Variants in DAZAP1 observed in about 807,000 individuals in gnomAD.
The protein encoded by DAZAP1 is DAZ associated protein 1.
DAZAP1 carries 6 observed loss-of-function variants against 60.1 expected under a neutral mutation model. That is an observed-to-expected ratio of 0.10 (90% confidence interval 0.05 to 0.20). The LOEUF (loss-of-function observed/expected upper bound fraction) is 0.20. Ranked by LOEUF, DAZAP1 falls within the 10% of genes least tolerant of loss-of-function variation. DAZAP1 has a pLI of 1.00. For missense variants in DAZAP1, 366 were observed against 560.4 expected, an observed-to-expected ratio of 0.65 and a Z score of 3.50; for synonymous variants, 235 against 215.9, an observed-to-expected ratio of 1.09 and a Z score of -0.78.
At position 1,434,688 on chromosome 19, in the gene DAZAP1, TGCCAACC is replaced by T. The variant is rs2083550586; in HGVS notation, c.1049-45_1049-39del. ...TCCAGGTGGCCTCGCTCGACGGCAGTGCCAACCGCCCAGGGACCGCCCCGAGCTCACA... is the reference window on the plus strand; with the variant it reads ...TCCAGGTGGCCTCGCTCGACGGCAGTGCCCAGGGACCGCCCCGAGCTCACA... On this transcript the variant is annotated intron_variant, in intron 11 of 11. Transcript: ENST00000233078. The surrounding 1 kb of genome is among the most constrained non-coding windows in gnomAD (Gnocchi z 8.0). 6.3e-7 allele frequency: 1 copy of T among 1,599,884 alleles called. No individual in the cohort carries two copies. The highest frequency in any genetic ancestry group is 8.5e-7 in the Non-Finnish European group (1 of 1,173,476).
chr19:1,422,482 T>C lies in DAZAP1; in HGVS notation c.463+86T>C. On this transcript the variant is annotated intron_variant, in intron 6 of 11. Transcript: ENST00000233078. This position sits in a 1 kb window ranked among gnomAD's most constrained non-coding sequence, Gnocchi z 4.5. ...ATCTCACCCGCCAGGCACACACAGGTGGCGGCTGTAGCAAACAGCCTCAGG... is the reference window on the plus strand; with the variant it reads ...ATCTCACCCGCCAGGCACACACAGGCGGCGGCTGTAGCAAACAGCCTCAGG... 1.5e-6 allele frequency: 2 copies of C among 1,357,106 alleles called. No individual in the cohort carries two copies. Among genetic ancestry groups the C allele is most frequent in the Non-Finnish European group, 2.1e-6 (2 of 957,416 alleles). 84.1% of individuals were successfully genotyped at this position (1,357,106 alleles called of 1,614,324 possible).
At chr19:1,421,477 G>A (rs1474978339) in intron 5 of DAZAP1, among the ~76,000 whole-genome samples, 2 of 152,272 alleles carry the variant, frequency 1.3e-5, no homozygotes, top group African/African-American at 4.8e-5. Flanking sequence ...GTGGTTGGGC[G>A]GTGAACCAGC....
Position 1,432,579 on chromosome 19 carries a change from C to T in DAZAP1, c.937C>T (p.Pro313Ser). 3 of 1,613,780 alleles carry T rather than the reference C, an allele frequency of 1.9e-6. No homozygotes were observed. Among genetic ancestry groups the T allele is most frequent in the Non-Finnish European group, 2.5e-6 (3 of 1,180,012 alleles). The change falls in exon 11 of 12, where the codon CCA becomes TCA. Residue 313 changes from proline (P) to serine (S), a missense_variant. By Grantham distance (74) the Pro-to-Ser change is moderately conservative. Transcript: ENST00000233078. This position sits in a 1 kb window ranked among gnomAD's most constrained non-coding sequence, Gnocchi z 4.9. Reference protein sequence around the residue: ...QFAPPGVPPPPATPGAAPLAF... With the variant: ...QFAPPGVPPPSATPGAAPLAF... ...TGCCCCTCCGGGGGTTCCTCCTCCA[C>T]CAGCCACTCCCGGGGCAGCACCTCT... is the stretch of plus-strand genomic sequence containing the variant.
chr19:1,430,946 C>T (rs1252712815), intron 10 of DAZAP1, among the ~76,000 whole-genome samples: 22 of 151,212 alleles, frequency 1.5e-4, no homozygotes, highest in Non-Finnish European at 1.5e-5. Flanking sequence ...TGGTCTCGAT[C>T]TCCTGACCTT....
At position 1,422,486 on chromosome 19, in the gene DAZAP1, G is replaced by T. The variant is rs866425469; in HGVS notation, c.463+90G>T. On this transcript the variant is annotated intron_variant, in intron 6 of 11. Transcript: ENST00000233078. The surrounding 1 kb of genome is among the most constrained non-coding windows in gnomAD (Gnocchi z 4.5). ...CACCCGCCAGGCACACACAGGTGGCGGCTGTAGCAAACAGCCTCAGGAAGG... is the reference window on the plus strand; with the variant it reads ...CACCCGCCAGGCACACACAGGTGGCTGCTGTAGCAAACAGCCTCAGGAAGG... 7.6e-7 allele frequency: 1 copy of T among 1,313,568 alleles called. No homozygotes were observed. The allele number at this position is 1,313,568 out of a possible 1,614,324, so 81.4% of individuals were successfully genotyped here.
Position 1,423,616 on chromosome 19 carries a change from C to G in DAZAP1, c.463+1220C>G, listed in dbSNP as rs2083221965. On this transcript the variant is annotated intron_variant, in intron 6 of 11. Transcript: ENST00000233078. The surrounding 1 kb of genome is among the most constrained non-coding windows in gnomAD (Gnocchi z 6.8). The stretch of plus-strand genomic sequence containing the variant: ...GGGCGCCTCCCCCAGGACCCAGCGC[C>G]TCTTGCACTGTGCCCGGACCAGGCG... Among the ~76,000 whole-genome samples, 1 of 152,256 alleles carries G rather than the reference C, an allele frequency of 6.6e-6. No individual in the cohort carries two copies. Among genetic ancestry groups the G allele is most frequent in the African/African-American group, 2.4e-5 (1 of 41,468 alleles).
chr19:1,431,625 C>A (rs944256474), intron 10 of DAZAP1, among the ~76,000 whole-genome samples: 5 of 152,162 alleles, frequency 3.3e-5, no homozygotes, highest in Non-Finnish European at 7.4e-5. Context: ...GAACAGGTTT[C>A]ACTATGTTGG....
At chr19:1,421,061 C>T (rs560816734) in intron 4 of DAZAP1, 87 bp from the exon 5 acceptor site, 26 of 1,168,266 alleles carry the variant, frequency 2.2e-5, no homozygotes, top group Middle Eastern at 2.0e-4. Context: ...TTTAAACCAG[C>T]GCGGATTGGC....
intron 1 of DAZAP1, among the ~76,000 whole-genome samples, chr19:1,411,012 G>T (rs1195681331): frequency 2.0e-5 from 3 of 152,248 alleles, no homozygotes; most frequent in African/African-American, 7.2e-5. Context: ...GCTGTGGAAG[G>T]AGACATCCTG....
intron 7 of DAZAP1, chr19:1,427,122 C>G (rs556552949): frequency 6.6e-6 from 1 of 152,230 alleles, no homozygotes; most frequent in African/African-American, 2.4e-5. Context: ...GTTCTGACAT[C>G]GAGTGCAGCT....
At chr19:1,421,588 G>A (rs2083156990) in intron 5 of DAZAP1, among the ~76,000 whole-genome samples, 1 of 152,254 alleles carries the variant, frequency 6.6e-6, no homozygotes, top group African/African-American at 2.4e-5. Context: ...GTGTGGCCTG[G>A]GCGAGCCAGC....
chr19:1,419,836 C>T (rs1241383672), intron 4 of DAZAP1, among the ~76,000 whole-genome samples: 1 of 145,922 alleles, frequency 6.9e-6, no homozygotes, highest in South Asian at 2.2e-4. Flanking sequence ...ACTCACCCCA[C>T]GCACACACTC....
chr19:1,417,574 A>T (rs767621079), intron 2 of DAZAP1, 34 bp downstream of exon 2: 3 of 1,591,038 alleles, frequency 1.9e-6, no homozygotes, highest in Non-Finnish European at 1.7e-6. Context: ...TGGGTACTGC[A>T]GATGGGCTCT....
rs1424200359 is a variant in DAZAP1 at position 1,425,666 on chromosome 19, C to T, written c.464-212C>T. On this transcript the variant is annotated intron_variant, in intron 6 of 11. Transcript: ENST00000233078. This position sits in a 1 kb window ranked among gnomAD's most constrained non-coding sequence, Gnocchi z 5.4. The stretch of plus-strand genomic sequence containing the variant: ...AGGCCTCAGTCAGCAGAGCCGTCAC[C>T]GGGAGTGCGGACGTCACCGTCTGTC... 2.6e-5 allele frequency among the ~76,000 whole-genome samples: 4 copies of T among 152,202 alleles called. No homozygotes were observed. Among genetic ancestry groups the T allele is most frequent in the Admixed American group, 1.3e-4 (2 of 15,278 alleles).
chr19:1,422,122 GC>G lies in DAZAP1; in HGVS notation c.415-223del, dbSNP rs2083174878. Among the ~76,000 whole-genome samples the G allele has an allele frequency of 6.6e-6, 1 of 152,256 alleles. No homozygotes were observed. Among genetic ancestry groups the G allele is most frequent in the African/African-American group, 2.4e-5 (1 of 41,474 alleles). Reference sequence around the variant, plus strand: ...CCCGGAGGCGGGTATCCAGACGCCTGCCCTGGAGCTGCTTCTCCCTGCCTGC... The same window carrying G: ...CCCGGAGGCGGGTATCCAGACGCCTGCCTGGAGCTGCTTCTCCCTGCCTGC... On this transcript the variant is annotated intron_variant, in intron 5 of 11. Transcript: ENST00000233078. This position sits in a 1 kb window ranked among gnomAD's most constrained non-coding sequence, Gnocchi z 4.5.
intron 8 of DAZAP1, 131 bp from the exon 9 acceptor site, chr19:1,429,836 A>T: frequency 9.0e-7 from 1 of 1,113,380 alleles, no homozygotes; most frequent in Non-Finnish European, 1.3e-6. Context: ...TGCCCTCAGG[A>T]CGAACAGGCT....
chr19:1,429,661 G>A (rs184007272), intron 8 of DAZAP1, among the ~76,000 whole-genome samples: 2 of 152,346 alleles, frequency 1.3e-5, no homozygotes, highest in Admixed American at 1.3e-4. Flanking sequence ...TCGAGGCTTA[G>A]AAGTCTCAGG....
intron 1 of DAZAP1, among the ~76,000 whole-genome samples, chr19:1,414,701 A>G (rs532472655): frequency 6.6e-5 from 10 of 151,922 alleles, no homozygotes; most frequent in Non-Finnish European, 1.0e-4. Flanking sequence ...GCGCCACTAC[A>G]CTCCAGCCTG....
chr19:1,435,220 G>T lies in DAZAP1; in HGVS notation c.*308G>T, dbSNP rs536074816. ...CCTTTTTTTTGGAAATTATTTTCCT[G>T]AGCCTTTTGTTTTACGGTATATTGT... On this transcript the variant is annotated 3_prime_UTR_variant, in exon 12 of 12. Transcript: ENST00000233078. The T allele has an allele frequency of 2.9e-4, 54 of 185,414 alleles. No homozygotes were observed. Among genetic ancestry groups the T allele is most frequent in the Admixed American group, 9.6e-4 (16 of 16,632 alleles). 11.5% of individuals were successfully genotyped at this position (185,414 alleles called of 1,614,324 possible).
Sources: gnomAD v4.1 joint callset for allele counts (sites outside exome capture counted in the v4.1 genomes callset) on GRCh38, gnomAD v4.1.1 for gene constraint, Gnocchi (gnomAD v3.1) non-coding constraint, MANE v1.5 for transcripts, NCBI Gene and HGNC (gene_info 2026-07-23, HGNC 2026-07-21) for gene names.